The following RRM2 variants were observed in gnomAD, a reference collection of about 807,000 sequenced individuals.
RRM2 encodes the protein ribonucleoside-diphosphate reductase subunit M2.
In RRM2, 6 loss-of-function variants were observed where a neutral mutation model predicts 45.9. The observed-to-expected ratio is 0.13, with a 90% CI of 0.07 to 0.26. RRM2 has a LOEUF of 0.26. Ranked by LOEUF, RRM2 falls within the 10% of genes least tolerant of loss-of-function variation. The probability of loss-of-function intolerance (pLI) is 1.00; values close to 1 mark genes in which losing one functional copy is unlikely to be tolerated. For synonymous variants in RRM2, 177 were observed against 173.0 expected (o/e 1.02, Z -0.18); for missense variants, 343 against 489.5 (o/e 0.70, Z 2.82).
chr2:10,165,970 G>A (rs1663670301), intron 3 of RRM2, among the ~76,000 whole-genome samples: 2 of 152,304 alleles, frequency 1.3e-5, no homozygotes, highest in African/African-American at 4.8e-5. Flanking sequence ...GGCAGCAGCC[G>A]CATCAGAGGC....
At chr2:10,197,438 C>T (rs1469018293) in intron 3 of RRM2, among the ~76,000 whole-genome samples, 1 of 152,152 alleles carries the variant, frequency 6.6e-6, no homozygotes, top group Non-Finnish European at 1.5e-5. Context: ...TGCCCTGGGA[C>T]AGATGGCCTC....
intron 3 of RRM2, among the ~76,000 whole-genome samples, chr2:10,144,303 A>G (rs188830222): frequency 8.0e-4 from 122 of 152,382 alleles, no homozygotes; most frequent in African/African-American, 2.6e-3. Flanking sequence ...ACGAGGTCTC[A>G]GATACGCTTG....
chr2:10,124,242 A>AT (rs1017025786), intron 4 of RRM2: 6 of 252,526 alleles, frequency 2.4e-5, no homozygotes, highest in African/African-American at 1.4e-4. Flanking sequence ...AGTACCTGGG[A>AT]TTACAGACGT....
chr2:10,174,299 C>CTTGGGGAGAAGCAGAAT (rs149930605), intron 3 of RRM2, among the ~76,000 whole-genome samples: 4,305 of 152,190 alleles, frequency 0.028, 98 homozygotes, highest in East Asian at 0.12. Flanking sequence ...GACAGCAGCG[C>CTTGGGGAGAAGCAGAAT]TTGGGGAGAA....
intron 3 of RRM2, among the ~76,000 whole-genome samples, chr2:10,153,485 G>A (rs1237378571): frequency 6.6e-6 from 1 of 152,000 alleles, no homozygotes; most frequent in East Asian, 1.9e-4. Context: ...TTCTCTTTGA[G>A]CCGGTTTCTG....
chr2:10,131,696 A>G (rs1212483963), downstream of RRM2, among the ~76,000 whole-genome samples: 2 of 152,090 alleles, frequency 1.3e-5, no homozygotes, highest in Non-Finnish European at 2.9e-5. Flanking sequence ...CTGAGATTGC[A>G]CCGCTGCACT....
chr2:10,146,954 A>C (rs144125930), intron 3 of RRM2, among the ~76,000 whole-genome samples: 283 of 151,772 alleles, frequency 1.9e-3, no homozygotes, highest in African/African-American at 6.2e-3. Context: ...TAGTTTCTTT[A>C]TTTATTTTTA....
At chr2:10,135,943 A>G (rs1003499696), downstream of RRM2, among the ~76,000 whole-genome samples, 2 of 151,694 alleles carry the variant, frequency 1.3e-5, no homozygotes, top group Admixed American at 6.6e-5. Flanking sequence ...TGGTGCTGCC[A>G]TATTCTCTTA....
intron 3 of RRM2, among the ~76,000 whole-genome samples, chr2:10,146,813 A>G (rs1663197083): frequency 6.6e-6 from 1 of 152,226 alleles, no homozygotes; most frequent in Admixed American, 6.5e-5. Flanking sequence ...GAAAGTGTAC[A>G]CAGGTAGTGA....
At chr2:10,191,143 T>G (rs1278897120) in intron 3 of RRM2, among the ~76,000 whole-genome samples, 5 of 152,138 alleles carry the variant, frequency 3.3e-5, no homozygotes, top group Non-Finnish European at 5.9e-5. Context: ...GACAAGGAAG[T>G]CAGGAGTGTG....
intron 3 of RRM2, among the ~76,000 whole-genome samples, chr2:10,207,561 T>A (rs1664686523): frequency 6.6e-6 from 1 of 152,214 alleles, no homozygotes; most frequent in Non-Finnish European, 1.5e-5. Flanking sequence ...CTCTCTGGAC[T>A]CTTTTGGCCC....
chr2:10,138,770 C>T (rs528400254), upstream of RRM2, among the ~76,000 whole-genome samples: 51 of 152,300 alleles, frequency 3.3e-4, no homozygotes, highest in African/African-American at 1.2e-3. Context: ...GAAGTGCTTT[C>T]ATAAGCAACT....
At chr2:10,199,800 A>AAAAAAC (rs1553329432) in intron 3 of RRM2, among the ~76,000 whole-genome samples, 5,126 of 97,740 alleles carry the variant, frequency 0.052, 846 homozygotes, top group African/African-American at 0.13. Flanking sequence ...AAAAAAAAAA[A>AAAAAAC]AAAAAAAAAC....
At chr2:10,175,005 C>A (rs1254341069) in intron 3 of RRM2, among the ~76,000 whole-genome samples, 1 of 152,176 alleles carries the variant, frequency 6.6e-6, no homozygotes, top group African/African-American at 2.4e-5. Context: ...CCCAGAAAGT[C>A]CCTGCTAACA....
chr2:10,199,060 A>G (rs189511239), intron 3 of RRM2: 1 of 152,134 alleles, frequency 6.6e-6, no homozygotes, highest in Non-Finnish European at 1.5e-5. Context: ...CTATAGTTAT[A>G]AAAGGATGAG....
intron 3 of RRM2, among the ~76,000 whole-genome samples, chr2:10,173,361 T>C (rs1558396665): frequency 2.6e-5 from 4 of 152,202 alleles, no homozygotes; most frequent in African/African-American, 4.8e-5. Flanking sequence ...AGATGCACAA[T>C]AGTGGCAAGT....
intron 4 of RRM2, among the ~76,000 whole-genome samples, chr2:10,124,478 T>C (rs1008239890): frequency 6.6e-6 from 1 of 152,238 alleles, no homozygotes; most frequent in Non-Finnish European, 1.5e-5. Flanking sequence ...AATGGATCTT[T>C]CTTGACATAA....
At chr2:10,183,031 G>T (rs6744788) in intron 3 of RRM2, among the ~76,000 whole-genome samples, 31,976 of 152,006 alleles carry the variant, frequency 0.21, 3,697 homozygotes, top group East Asian at 0.51. Context: ...TTACAAAAAT[G>T]AGCCAGGTAT....
chr2:10,142,286 C>T (rs1663099715), exon 3 of RRM2: 11 of 1,425,492 alleles, frequency 7.7e-6, no homozygotes, highest in Non-Finnish European at 1.0e-5. Flanking sequence ...TCTGACCAGC[C>T]TTACGTCTTG....
Sources: allele counts gnomAD v4.1 joint callset (sites outside exome capture counted in the v4.1 genomes callset), GRCh38; gene constraint gnomAD v4.1.1; transcripts MANE v1.5; gene names NCBI Gene and HGNC (gene_info 2026-07-23, HGNC 2026-07-21).